Variants in IL6R observed in about 807,000 individuals in gnomAD.
The protein encoded by IL6R is interleukin 6 receptor.
A neutral mutation model predicts 48.3 loss-of-function variants in IL6R; 38 were observed. The observed-to-expected ratio is 0.79, with a 90% CI of 0.61 to 1.03. IL6R has a LOEUF of 1.03. IL6R is among the 50% of genes least tolerant of loss of function. IL6R has a pLI of 0.00. For synonymous variants in IL6R, 264 were observed against 256.2 expected (o/e 1.03, Z -0.29); for missense variants, 534 against 618.3 (o/e 0.86, Z 1.45).
chr1:154,428,074 G>T (rs1022538034), intron 1 of IL6R, among the ~76,000 whole-genome samples: 1 of 152,170 alleles, frequency 6.6e-6, no homozygotes, highest in Admixed American at 6.5e-5. Context: ...CCTGGCCTCT[G>T]TTTCCTTAGC....
chr1:154,443,890 A>G (rs1690065064), intron 6 of IL6R, among the ~76,000 whole-genome samples: 2 of 152,150 alleles, frequency 1.3e-5, no homozygotes, highest in South Asian at 4.1e-4. Flanking sequence ...AACCAAACAT[A>G]TCACACCCCT....
chr1:154,406,193 C>G (rs1028607813), intron 1 of IL6R, among the ~76,000 whole-genome samples: 1 of 152,208 alleles, frequency 6.6e-6, no homozygotes, highest in Non-Finnish European at 1.5e-5. Flanking sequence ...CCCCCACCCC[C>G]GCGGGTGCAT....
chr1:154,436,955 T>C (rs1485705415), intron 6 of IL6R, among the ~76,000 whole-genome samples: 2 of 152,248 alleles, frequency 1.3e-5, no homozygotes, highest in Admixed American at 1.3e-4. Context: ...TTTTTCTAGG[T>C]ACATGTATGT....
intron 9 of IL6R, among the ~76,000 whole-genome samples, chr1:154,462,949 A>T (rs1691353121): frequency 6.6e-6 from 1 of 152,180 alleles, no homozygotes; most frequent in Non-Finnish European, 1.5e-5. Flanking sequence ...CTGGGATTAC[A>T]GGCATGCGCC....
chr1:154,410,768 A>C (rs1687976511), intron 1 of IL6R, among the ~76,000 whole-genome samples: 1 of 152,122 alleles, frequency 6.6e-6, no homozygotes, highest in Non-Finnish European at 1.5e-5. Context: ...GAGGCCCTGC[A>C]TCCAGCCTAT....
rs747537633 is a variant in IL6R at position 154,429,278 on chromosome 1, C to G, written c.168C>G (p.Ala56=). Residue 56 remains alanine, a synonymous_variant, in exon 2 of 10, where the codon GCC becomes GCG. Coordinates refer to ENST00000368485, the MANE Select transcript of IL6R (RefSeq NM_000565.4). ...TCPGVEPEDN[A]TVHWVLRKPA... ...CGGGGGTAGAGCCGGAAGACAATGC[C>G]ACTGTTCACTGGGTGCTCAGGAAGC... 5 of 1,614,142 alleles carry G rather than the reference C, an allele frequency of 3.1e-6. No individual in the cohort carries two copies. The East Asian group carries it at 1.1e-4, about 36-fold the overall frequency.
intron 9 of IL6R, among the ~76,000 whole-genome samples, chr1:154,458,890 G>A (rs1428000686): frequency 7.1e-6 from 1 of 141,426 alleles, no homozygotes; most frequent in African/African-American, 2.8e-5. Flanking sequence ...AGCAGAAGGA[G>A]ACTCCATCTC....
rs550564568 is a variant in IL6R, at chr1:154,415,214, C to A, written c.85+9500C>A. ...AGGCGCCGGCTGCACTGTTCACCTC[C>A]ACCCCCATTCCAATATTTTAAAAGA... On this transcript the variant is annotated intron_variant, in intron 1 of 9. Coordinates refer to ENST00000368485, the MANE Select transcript of IL6R (RefSeq NM_000565.4). 3 of 651,228 alleles carry A rather than the reference C, an allele frequency of 4.6e-6. No individual in the cohort carries two copies. In the South Asian group the frequency reaches 4.8e-5, roughly 10 times the overall value. The allele number at this position is 651,228 out of a possible 1,614,324, so 40.3% of individuals were successfully genotyped here.
At chr1:154,447,504 T>TATATACACATAC (rs1553309679) in intron 6 of IL6R, among the ~76,000 whole-genome samples, 2 of 87,396 alleles carry the variant, frequency 2.3e-5, no homozygotes, top group African/African-American at 1.1e-4. Context: ...CACACACACA[T>TATATACACATAC]ATATATATAC....
rs74468347 is a variant in IL6R, at chr1:154,465,000, G to A, written c.1161-134G>A. 2.3e-3 allele frequency: 2,137 copies of A among 918,846 alleles called. 35 individuals carry two copies. The African/African-American group carries it at 0.033, about 14-fold the overall frequency. The allele number at this position is 918,846 out of a possible 1,614,324, so 56.9% of individuals were successfully genotyped here. A position where few individuals can be genotyped will look rare whatever the true frequency, so the allele number is the denominator to read the frequency against. The stretch of plus-strand genomic sequence containing the variant: ...ACAAAAAACAAAAAGACAGCTGATA[G>A]TTATTGCTCCTTTGAGCCGAAACCT... On this transcript the variant is annotated intron_variant, in intron 9 of 9. Coordinates refer to ENST00000368485, the MANE Select transcript of IL6R (RefSeq NM_000565.4).
At chr1:154,422,290 A>G (rs12047973) in intron 1 of IL6R, among the ~76,000 whole-genome samples, 19,579 of 152,216 alleles carry the variant, frequency 0.13, 1,516 homozygotes, top group South Asian at 0.19. Context: ...TATGGAATGT[A>G]ACTCCCTGTG....
chr1:154,434,543 C>A lies in IL6R; in HGVS notation c.483C>A (p.Phe161Leu). 1 of 1,613,848 alleles carries A rather than the reference C, an allele frequency of 6.2e-7. No homozygotes were observed. The highest frequency in any genetic ancestry group is 8.5e-7 in the Non-Finnish European group (1 of 1,179,958). ...RKFQNSPAED[F>L]QEPCQYSQES... ...GTCAGAACAGTCCGGCCGAAGACTT[C>A]CAGGAGCCGTGCCAGTATTCCCAGG... The change falls in exon 4 of 10, where the codon TTC (phenylalanine) becomes TTA (leucine). Residue 161 changes from phenylalanine to leucine, a missense_variant. Physicochemically the swap from Phe to Leu is conservative, Grantham distance 22 (BLOSUM62 0). Coordinates refer to ENST00000368485, the MANE Select transcript of IL6R (RefSeq NM_000565.4).
At position 154,430,628 on chromosome 1, in the gene IL6R, A is replaced by G. The variant is rs1179272616; in HGVS notation, c.458+22A>G. 12 of 1,613,746 alleles carry G rather than the reference A, an allele frequency of 7.4e-6. No homozygotes were observed. The East Asian group carries it at 1.6e-4, about 21-fold the overall frequency. ...AGTTGTAAGTATCTTGGGCTGAGCT[A>G]TGTGCATGTTGGCTCCCTCCTTCCC... On this transcript the variant is annotated intron_variant, in intron 3 of 9. Coordinates refer to ENST00000368485, the MANE Select transcript of IL6R (RefSeq NM_000565.4).
At chr1:154,428,388 T>A (rs1323776423) in intron 1 of IL6R, among the ~76,000 whole-genome samples, 7 of 152,162 alleles carry the variant, frequency 4.6e-5, no homozygotes, top group Non-Finnish European at 1.0e-4. Context: ...CAGCTGGGCA[T>A]CTGGGCCAGT....
chr1:154,437,922 G>T (rs1689727639), intron 6 of IL6R, among the ~76,000 whole-genome samples: 1 of 146,958 alleles, frequency 6.8e-6, no homozygotes, highest in South Asian at 2.2e-4. Flanking sequence ...CACTGTGTTG[G>T]CCAGGCTGGT....
At chr1:154,429,541 A>T in intron 2 of IL6R, 97 bp downstream of exon 2, 1 of 1,410,488 alleles carries the variant, frequency 7.1e-7, no homozygotes, top group South Asian at 1.4e-5. Context: ...AACTCCCACC[A>T]TTTCCTTGGC....
intron 3 of IL6R, among the ~76,000 whole-genome samples, chr1:154,432,703 C>T (rs1011454492): frequency 6.6e-6 from 1 of 152,208 alleles, no homozygotes; most frequent in Non-Finnish European, 1.5e-5. Flanking sequence ...GGAGAGAGTA[C>T]AGTGCTTGTC....
At chr1:154,430,992 T>C (rs1187831528) in intron 3 of IL6R, among the ~76,000 whole-genome samples, 1 of 152,226 alleles carries the variant, frequency 6.6e-6, no homozygotes, top group Non-Finnish European at 1.5e-5. Context: ...CCGAAGATTA[T>C]GGGCGTTGCT....
intron 9 of IL6R, among the ~76,000 whole-genome samples, chr1:154,455,411 T>C (rs1260219981): frequency 6.6e-6 from 1 of 151,736 alleles, no homozygotes; most frequent in Non-Finnish European, 1.5e-5. Context: ...GAGTGTCTGT[T>C]GGAGTTTTTT....
Sources: gnomAD v4.1 joint callset for allele counts (sites outside exome capture counted in the v4.1 genomes callset) on GRCh38, gnomAD v4.1.1 for gene constraint, MANE v1.5 for transcripts, NCBI Gene and HGNC (gene_info 2026-07-23, HGNC 2026-07-21) for gene names.